The following STPG1 variants were observed in gnomAD, a reference collection of about 807,000 sequenced individuals.
STPG1 encodes the protein sperm tail PG-rich repeat containing 1, also known as O(6)-methylguanine-induced apoptosis 2.
Under a neutral mutation model 40.1 loss-of-function variants are expected in STPG1, and 33 were observed. The observed-to-expected ratio is 0.82, with a 90% CI of 0.62 to 1.10. STPG1 has a LOEUF of 1.10. STPG1 is among the 50% of genes least tolerant of loss of function. The pLI is 0.00. For synonymous variants in STPG1, 150 were observed against 155.0 expected, an observed-to-expected ratio of 0.97 and a Z score of 0.24; for missense variants, 396 against 415.1, an observed-to-expected ratio of 0.95 and a Z score of 0.40.
intron 3 of STPG1, chr1:24,391,210 G>C (rs746360786): frequency 6.3e-6 from 1 of 159,316 alleles, no homozygotes; most frequent in African/African-American, 2.4e-5. Flanking sequence ...GGATGGGGAA[G>C]ATTTTTTTTT....
chr1:24,391,454 T>C (rs1319988364), intron 3 of STPG1, 107 bp downstream of exon 3: 1 of 655,228 alleles, frequency 1.5e-6, no homozygotes, highest in Non-Finnish European at 2.6e-6. Context: ...GGGAGCACAC[T>C]GCCCTCCACT....
In STPG1 at chr1:24,371,523, G is replaced by A. The variant is rs1357840094; in HGVS notation, c.572-1684C>T. On this transcript the variant is annotated intron_variant, in intron 6 of 8. Coordinates refer to ENST00000337248, the MANE Select transcript of STPG1 (RefSeq NM_001199013.2). ...GGAGAATCACTTGAACCCAGGAGGCGAAGGTTGCAGTGAGCCGAGATTGCA... is the reference window on the plus strand; with the variant it reads ...GGAGAATCACTTGAACCCAGGAGGCAAAGGTTGCAGTGAGCCGAGATTGCA... Among the ~76,000 whole-genome samples, 7 of 150,336 alleles carry A rather than the reference G, an allele frequency of 4.7e-5. No homozygotes were observed. The South Asian group carries it at 6.3e-4, about 14-fold the overall frequency.
At chr1:24,390,855 A>G (rs186217909) in intron 3 of STPG1, among the ~76,000 whole-genome samples, 16 of 147,734 alleles carry the variant, frequency 1.1e-4, no homozygotes, top group Non-Finnish European at 1.9e-4. Context: ...GCTAGGGTAC[A>G]GTTGCGCTAT....
rs923186512 is a variant in STPG1 at position 24,371,760 on chromosome 1, A to C, written c.572-1921T>G. ...AATTACAAAATACAGAAAACAATGA[A>C]AAGCAAAAGCAAGGAATAGAAGGCA... On this transcript the variant is annotated intron_variant, in intron 6 of 8. Coordinates refer to ENST00000337248, the MANE Select transcript of STPG1 (RefSeq NM_001199013.2). Among the ~76,000 whole-genome samples the C allele has an allele frequency of 1.3e-4, 20 of 152,336 alleles. 1 individual carries two copies. The East Asian group carries it at 3.5e-3, about 26-fold the overall frequency.
chr1:24,394,717 A>T (rs1642918597), intron 2 of STPG1, among the ~76,000 whole-genome samples: 1 of 152,160 alleles, frequency 6.6e-6, no homozygotes, highest in Non-Finnish European at 1.5e-5. Flanking sequence ...ATGAATAGCA[A>T]ATTAGACATT....
chr1:24,402,224 T>C (rs1643253133), intron 1 of STPG1, among the ~76,000 whole-genome samples: 1 of 152,188 alleles, frequency 6.6e-6, no homozygotes, highest in Admixed American at 6.5e-5. Flanking sequence ...GTCACAGAAA[T>C]GCAATCATAG....
intron 4 of STPG1, 78 bp from the exon 5 acceptor site, chr1:24,379,901 G>C (rs1642208779): frequency 6.9e-7 from 1 of 1,452,772 alleles, no homozygotes; most frequent in South Asian, 1.2e-5. Flanking sequence ...AAAAGATGGT[G>C]ACCAGCACAA....
At chr1:24,362,280 C>T (rs757827122) in intron 7 of STPG1, among the ~76,000 whole-genome samples, 10 of 152,134 alleles carry the variant, frequency 6.6e-5, no homozygotes, top group South Asian at 2.1e-4. Flanking sequence ...TGTTGGTGTC[C>T]GGAGAGACAA....
In STPG1 at chr1:24,369,621, C is replaced by T. The variant is rs749854363; in HGVS notation, c.737+53G>A. The stretch of plus-strand genomic sequence containing the variant: ...ACCCCATCCTTTTCTCTATGTTGGG[C>T]TTCTTCCCCACAACCACCTTTCAAA... On this transcript the variant is annotated intron_variant, in intron 7 of 8. Transcript: ENST00000337248. 3.2e-5 allele frequency: 50 copies of T among 1,538,848 alleles called. No individual in the cohort carries two copies. In the African/African-American group the frequency reaches 5.9e-4, roughly 18 times the overall value.
chr1:24,384,049 T>C (rs767565438), intron 3 of STPG1, 46 bp from the exon 4 acceptor site: 16 of 1,235,722 alleles, frequency 1.3e-5, no homozygotes, highest in Admixed American at 3.4e-5. Flanking sequence ...TTCAATTCCA[T>C]TGTGCTTTTC....
chr1:24,412,177 A>C (rs1020675682), intron 1 of STPG1: 7 of 152,280 alleles, frequency 4.6e-5, no homozygotes, highest in African/African-American at 1.7e-4. Flanking sequence ...GTTCTATATG[A>C]CTATTCTGCA....
At chr1:24,361,097 C>T (rs769392979) in intron 7 of STPG1, 56 bp from the exon 8 acceptor site, 10 of 1,484,726 alleles carry the variant, frequency 6.7e-6, no homozygotes, top group African/African-American at 1.4e-5. Context: ...GGGGAAGGCA[C>T]AGTTTCTAGA....
chr1:24,379,999 G>C (rs147676822), intron 4 of STPG1, among the ~76,000 whole-genome samples, 176 bp from the exon 5 acceptor site: 4 of 152,150 alleles, frequency 2.6e-5, no homozygotes, highest in South Asian at 2.1e-4. Context: ...CTTGGAAAAC[G>C]CAAGTTCAGA....
chr1:24,414,837 AT>A (rs1018815861), upstream of STPG1: 16 of 152,076 alleles, frequency 1.1e-4, no homozygotes, highest in African/African-American at 3.4e-4. Context: ...GCCCCCAAAT[AT>A]GTTATTTATA....
At chr1:24,376,328 G>C (rs1642025251) in intron 5 of STPG1, among the ~76,000 whole-genome samples, 1 of 152,106 alleles carries the variant, frequency 6.6e-6, no homozygotes, top group African/African-American at 2.4e-5. Context: ...GCCTGCACCT[G>C]GTTTTTGATG....
intron 7 of STPG1, among the ~76,000 whole-genome samples, chr1:24,366,949 G>T (rs761110473): frequency 2.0e-5 from 3 of 152,188 alleles, no homozygotes; most frequent in Admixed American, 2.0e-4. Flanking sequence ...GTTCTCAGGG[G>T]CAGAGGGTTA....
intron 2 of STPG1, among the ~76,000 whole-genome samples, chr1:24,395,820 GCCT>G (rs1209041905): frequency 6.6e-6 from 1 of 151,912 alleles, no homozygotes; most frequent in East Asian, 1.9e-4. Flanking sequence ...ACTTTGGGAG[GCCT>G]CCTCACCAAA....
chr1:24,394,858 G>T (rs1485645598), intron 2 of STPG1, among the ~76,000 whole-genome samples: 2 of 151,804 alleles, frequency 1.3e-5, no homozygotes, highest in Non-Finnish European at 2.9e-5. Flanking sequence ...ATGTAATCAG[G>T]CTCTCAAAAA....
At chr1:24,396,297 A>ATCTATCTATCTG (rs1553126266) in intron 2 of STPG1, among the ~76,000 whole-genome samples, 2,042 of 132,612 alleles carry the variant, frequency 0.015, 55 homozygotes, top group African/African-American at 0.06. Context: ...CTATCTATCT[A>ATCTATCTATCTG]TCATCTATCT....
Sources: gnomAD v4.1 joint callset for allele counts (sites outside exome capture counted in the v4.1 genomes callset) on GRCh38, gnomAD v4.1.1 for gene constraint, MANE v1.5 for transcripts, NCBI Gene and HGNC (gene_info 2026-07-23, HGNC 2026-07-21) for gene names.